SGCZ: variants seen among roughly 807,000 people sequenced by gnomAD.
The protein encoded by SGCZ is sarcoglycan zeta.
SGCZ carries 40 observed loss-of-function variants against 41.3 expected under a neutral mutation model. That is an observed-to-expected ratio of 0.97 (90% confidence interval 0.75 to 1.26). The LOEUF is 1.26. Among genes scored for constraint, SGCZ ranks in the 50% most tolerant of loss-of-function variants. SGCZ has a pLI of 0.00. For missense variants in SGCZ, 552 were observed against 369.8 expected (o/e 1.49, Z -4.04); for synonymous variants, 206 against 137.5 (o/e 1.50, Z -3.49).
chr8:14,914,241 TAGAG>T (rs147869660), intron 1 of SGCZ, among the ~76,000 whole-genome samples: 28 of 141,162 alleles, frequency 2.0e-4, no homozygotes, highest in South Asian at 2.3e-4. Flanking sequence ...TATATATATA[TAGAG>T]AGTGTGTAAT....
At chr8:14,933,431 C>CTTTTTTTTTTTTT (rs11443740) in intron 1 of SGCZ, among the ~76,000 whole-genome samples, 1 of 120,420 alleles carries the variant, frequency 8.3e-6, no homozygotes, top group African/African-American at 3.3e-5. Context: ...CTTTTTTTTT[C>CTTTTTTTTTTTTT]TTTTTTTTTT....
At chr8:14,337,572 A>G (rs1802548252) in intron 2 of SGCZ, among the ~76,000 whole-genome samples, 1 of 152,182 alleles carries the variant, frequency 6.6e-6, no homozygotes, top group African/African-American at 2.4e-5. Context: ...AGTCAGGTTA[A>G]AATACCAGAA....
At chr8:15,010,816 A>T (rs1359029126) in intron 1 of SGCZ, among the ~76,000 whole-genome samples, 1 of 152,168 alleles carries the variant, frequency 6.6e-6, no homozygotes, top group Non-Finnish European at 1.5e-5. Context: ...CTTGTCACCC[A>T]TGGTGACAAT....
chr8:14,868,271 G>A (rs1032701317), intron 1 of SGCZ, among the ~76,000 whole-genome samples: 1 of 152,160 alleles, frequency 6.6e-6, no homozygotes, highest in Non-Finnish European at 1.5e-5. Context: ...TCCTTGGTAA[G>A]CTCTGCTCAA....
chr8:14,649,148 A>G (rs1470199), intron 1 of SGCZ, among the ~76,000 whole-genome samples: 98,927 of 151,978 alleles, frequency 0.65, 32,683 homozygotes, highest in East Asian at 0.85. Flanking sequence ...AGGATATTAG[A>G]AAATTGCTTT....
At chr8:14,806,814 T>C (rs890334816) in intron 1 of SGCZ, among the ~76,000 whole-genome samples, 46 of 152,020 alleles carry the variant, frequency 3.0e-4, no homozygotes, top group African/African-American at 9.4e-4. Context: ...TTGATGAACA[T>C]TGATGCAAAA....
At chr8:14,359,014 A>G (rs574963071) in intron 2 of SGCZ, among the ~76,000 whole-genome samples, 14 of 152,292 alleles carry the variant, frequency 9.2e-5, no homozygotes, top group Non-Finnish European at 1.9e-4. Context: ...TCTAAAATAC[A>G]TGACTTTCTT....
chr8:14,654,301 G>A (rs1398205816), intron 1 of SGCZ, among the ~76,000 whole-genome samples: 1 of 151,766 alleles, frequency 6.6e-6, no homozygotes, highest in Non-Finnish European at 1.5e-5. Context: ...AGGAATCCCA[G>A]TTCTGTCACT....
At chr8:14,157,973 G>A (rs1382145) in intron 5 of SGCZ, among the ~76,000 whole-genome samples, 19,302 of 152,160 alleles carry the variant, frequency 0.13, 1,335 homozygotes, top group Middle Eastern at 0.22. Flanking sequence ...CTTGAGGCCG[G>A]GAGTTTGAGA....
intron 1 of SGCZ, among the ~76,000 whole-genome samples, chr8:14,895,434 T>C (rs1355192111): frequency 1.3e-5 from 2 of 152,094 alleles, no homozygotes; most frequent in Non-Finnish European, 1.5e-5. Context: ...ATACATAACA[T>C]TTCTACTCTC....
intron 1 of SGCZ, among the ~76,000 whole-genome samples, chr8:15,016,275 T>C (rs1379805173): frequency 6.6e-6 from 1 of 152,196 alleles, no homozygotes; most frequent in African/African-American, 2.4e-5. Flanking sequence ...GTTTCACTGC[T>C]TGTCCACTGC....
At chr8:14,138,205 A>G (rs1251255579) in intron 5 of SGCZ, among the ~76,000 whole-genome samples, 1 of 152,192 alleles carries the variant, frequency 6.6e-6, no homozygotes, top group Non-Finnish European at 1.5e-5. Context: ...AGGAACAACC[A>G]GTACCAGCCA....
rs28643278 is a variant in SGCZ, at chr8:14,541,304, C to G, written c.234+13428G>C. ...GTCCTAATGCTCTCCCTCCCCTTTA[C>G]CCCCACGCCCGGCAGGCCTTGATAT... is the stretch of plus-strand genomic sequence containing the variant. On this transcript the variant is annotated intron_variant, in intron 2 of 7. Transcript: ENST00000382080. 8.2e-3 allele frequency among the ~76,000 whole-genome samples: 1,240 copies of G among 151,960 alleles called. 14 individuals are homozygous for G. The highest frequency in any genetic ancestry group is 0.029 in the African/African-American group (1,184 of 41,452).
intron 1 of SGCZ, among the ~76,000 whole-genome samples, chr8:15,090,839 T>C (rs892281262): frequency 6.6e-6 from 1 of 152,196 alleles, no homozygotes; most frequent in African/African-American, 2.4e-5. Context: ...GCCCAGTTAA[T>C]CTAAGCGGCT....
At chr8:14,268,004 A>T (rs1156801510) in intron 3 of SGCZ, among the ~76,000 whole-genome samples, 2 of 151,636 alleles carry the variant, frequency 1.3e-5, no homozygotes, top group Non-Finnish European at 2.9e-5. Context: ...TCATGTACTT[A>T]TATATTTATA....
chr8:14,815,047 A>G (rs1004310074), intron 1 of SGCZ, among the ~76,000 whole-genome samples: 52 of 152,302 alleles, frequency 3.4e-4, no homozygotes, highest in African/African-American at 1.3e-3. Context: ...ATTCTCTGAT[A>G]TGTGGTAATT....
intron 5 of SGCZ, 76 bp downstream of exon 5, chr8:14,164,504 T>G: frequency 6.4e-7 from 1 of 1,559,696 alleles, no homozygotes; most frequent in Non-Finnish European, 8.7e-7. Context: ...ATCATCCATC[T>G]TATTAAGAAG....
chr8:14,982,064 C>T (rs867940350), intron 1 of SGCZ, among the ~76,000 whole-genome samples: 4 of 151,464 alleles, frequency 2.6e-5, no homozygotes, highest in African/African-American at 4.9e-5. Flanking sequence ...GTGGGAGGAT[C>T]GCTTGAACCC....
intron 4 of SGCZ, among the ~76,000 whole-genome samples, chr8:14,207,834 G>C (rs11203584): frequency 6.6e-6 from 1 of 151,984 alleles, no homozygotes; most frequent in African/African-American, 2.4e-5. Context: ...ATATCATTTT[G>C]CATAAGAAAA....
Sources: gnomAD v4.1 joint callset for allele counts (sites outside exome capture counted in the v4.1 genomes callset) on GRCh38, gnomAD v4.1.1 for gene constraint, MANE v1.5 for transcripts, NCBI Gene and HGNC (gene_info 2026-07-23, HGNC 2026-07-21) for gene names.